Variants in PPM1E observed in about 807,000 individuals in gnomAD.
PPM1E encodes protein phosphatase, Mg2+/Mn2+ dependent 1E.
A neutral mutation model predicts 65.9 loss-of-function variants in PPM1E; 20 were observed. The ratio of observed to expected loss-of-function variants is 0.30; its 90% CI spans 0.21 to 0.44. The LOEUF is 0.44. PPM1E is among the 20% of genes least tolerant of loss of function. The pLI is 1.00. For synonymous variants in PPM1E, 352 were observed against 374.9 expected (o/e 0.94, Z 0.70); for missense variants, 713 against 953.1 (o/e 0.75, Z 3.32).
intron 1 of PPM1E, among the ~76,000 whole-genome samples, chr17:58,861,258 T>C (rs774244016): frequency 2.6e-5 from 4 of 152,210 alleles, no homozygotes; most frequent in Non-Finnish European, 4.4e-5. Context: ...GTTTGCTTCA[T>C]AGACAAGAGC....
At chr17:58,827,770 C>A (rs1412056875) in intron 1 of PPM1E, among the ~76,000 whole-genome samples, 2 of 150,780 alleles carry the variant, frequency 1.3e-5, no homozygotes, top group African/African-American at 4.9e-5. Context: ...GGCGTGGTGG[C>A]GCGCGCCTGT....
intron 1 of PPM1E, among the ~76,000 whole-genome samples, chr17:58,857,475 C>A (rs1381216780): frequency 6.6e-6 from 1 of 151,972 alleles, no homozygotes; most frequent in East Asian, 1.9e-4. Context: ...ATTATTTAAC[C>A]TCTCTGTGCT....
At position 58,755,902 on chromosome 17, in the gene PPM1E, C is replaced by T. The variant is rs962982261; in HGVS notation, c.-96C>T. On this transcript the variant is annotated 5_prime_UTR_variant, in exon 1 of 7. Coordinates refer to ENST00000308249, the MANE Select transcript of PPM1E (RefSeq NM_014906.5). Reference sequence around the variant, plus strand: ...TCGCTCGTGCCGGTGCGGCCGTTAACCGCCCTTGCCGGAGCCCTAGGCTCA... The same window carrying T: ...TCGCTCGTGCCGGTGCGGCCGTTAATCGCCCTTGCCGGAGCCCTAGGCTCA... 9 of 1,547,946 alleles carry T rather than the reference C, an allele frequency of 5.8e-6. No homozygotes were observed. The East Asian group carries it at 2.0e-4, about 35-fold the overall frequency.
At chr17:58,833,411 A>G (rs926963377) in intron 1 of PPM1E, among the ~76,000 whole-genome samples, 34 of 150,844 alleles carry the variant, frequency 2.3e-4, no homozygotes, top group African/African-American at 8.3e-4. Context: ...TTTAGTTTCT[A>G]TTGTTGCCGT....
intron 1 of PPM1E, among the ~76,000 whole-genome samples, chr17:58,839,805 C>T (rs112483402): frequency 1.3e-4 from 20 of 152,220 alleles, no homozygotes; most frequent in African/African-American, 3.9e-4. Context: ...AATGGATTAA[C>T]GTTGAGGATA....
chr17:58,863,298 T>C (rs2143309633), intron 1 of PPM1E, among the ~76,000 whole-genome samples: 1 of 152,316 alleles, frequency 6.6e-6, no homozygotes, highest in African/African-American at 2.4e-5. Flanking sequence ...CTTGCTTTCT[T>C]AGCGTGCAGC....
chr17:58,805,521 A>AT (rs2050296909), intron 1 of PPM1E, among the ~76,000 whole-genome samples: 1 of 152,178 alleles, frequency 6.6e-6, no homozygotes, highest in South Asian at 2.1e-4. Context: ...AAGTGCTGGG[A>AT]TTACAGGCGT....
chr17:58,816,554 C>T (rs2050416723), intron 1 of PPM1E, among the ~76,000 whole-genome samples: 1 of 150,816 alleles, frequency 6.6e-6, no homozygotes, highest in Admixed American at 6.6e-5. Flanking sequence ...CCATTTCTTC[C>T]TTCCCCCATC....
At chr17:58,830,292 G>GTTATTATTATTATTATTA (rs376605107) in intron 1 of PPM1E, among the ~76,000 whole-genome samples, 343 of 146,830 alleles carry the variant, frequency 2.3e-3, no homozygotes, top group East Asian at 4.2e-3. Context: ...TGTTGTTGTT[G>GTTATTATTATTATTATTA]TTATTATTAT....
chr17:58,774,541 T>A (rs966490016), intron 1 of PPM1E, among the ~76,000 whole-genome samples: 2 of 152,152 alleles, frequency 1.3e-5, no homozygotes, highest in Non-Finnish European at 2.9e-5. Flanking sequence ...TATCTGCACA[T>A]CCTTATATTG....
intron 1 of PPM1E, among the ~76,000 whole-genome samples, chr17:58,767,420 A>G (rs933710774): frequency 2.0e-5 from 3 of 152,198 alleles, no homozygotes; most frequent in African/African-American, 7.2e-5. Context: ...TTCTCATGCT[A>G]CATTACAAAC....
chr17:58,762,025 T>C (rs1180111349), intron 1 of PPM1E, among the ~76,000 whole-genome samples: 1 of 152,220 alleles, frequency 6.6e-6, no homozygotes, highest in Admixed American at 6.5e-5. Flanking sequence ...GTAAGTGTGG[T>C]ATTCTGAGGG....
chr17:58,984,038 A>C lies in PPM1E; in HGVS notation c.*3007A>C, dbSNP rs2031567406. ...ACAGCAACACACACTGGGGCTATTA[A>C]TCCCATTTAGGTCTGTACTAAAGAG... On this transcript the variant is annotated 3_prime_UTR_variant, in exon 7 of 7. Coordinates refer to ENST00000308249, the MANE Select transcript of PPM1E (RefSeq NM_014906.5). 1 of 152,616 alleles carries C rather than the reference A, an allele frequency of 6.6e-6. No homozygotes were observed. Among genetic ancestry groups the C allele is most frequent in the Non-Finnish European group, 1.5e-5 (1 of 68,012 alleles). The allele number at this position is 152,616 out of a possible 1,614,324, so 9.5% of individuals were successfully genotyped here. A position where few individuals can be genotyped will look rare whatever the true frequency, so the allele number is the denominator to read the frequency against.
At position 58,981,259 on chromosome 17, in the gene PPM1E, G is replaced by A. The variant is rs757374861; in HGVS notation, c.*228G>A. 3 of 476,812 alleles carry A rather than the reference G, an allele frequency of 6.3e-6. No homozygotes were observed. The highest frequency in any genetic ancestry group is 2.0e-5 in the African/African-American group (1 of 50,452). 29.5% of individuals were successfully genotyped at this position (476,812 alleles called of 1,614,324 possible). On this transcript the variant is annotated 3_prime_UTR_variant, in exon 7 of 7. Transcript: ENST00000308249. ...ATTACACAGCTGGTCCCTGTGATGTGTCTCGACACCAATACACAACCCCCT... is the reference window on the plus strand; with the variant it reads ...ATTACACAGCTGGTCCCTGTGATGTATCTCGACACCAATACACAACCCCCT...
At chr17:58,936,075 T>C (rs1410494327) in intron 1 of PPM1E, among the ~76,000 whole-genome samples, 2 of 151,800 alleles carry the variant, frequency 1.3e-5, no homozygotes, top group Non-Finnish European at 2.9e-5. Flanking sequence ...CTTTGGTAGA[T>C]TACATTATTT....
chr17:58,778,945 T>C (rs1352888288), intron 1 of PPM1E, among the ~76,000 whole-genome samples: 1 of 143,850 alleles, frequency 7.0e-6, no homozygotes, highest in Non-Finnish European at 1.5e-5. Flanking sequence ...TATATATATA[T>C]ATATATATAT....
chr17:58,922,338 G>A (rs1347400685), intron 1 of PPM1E, among the ~76,000 whole-genome samples: 1 of 151,440 alleles, frequency 6.6e-6, no homozygotes, highest in African/African-American at 2.4e-5. Flanking sequence ...CTGCAACCTC[G>A]AACTCCTGGG....
rs142681094 is a variant in PPM1E, at chr17:58,864,584, G to A, written c.465-91065G>A. 9.4e-3 allele frequency among the ~76,000 whole-genome samples: 1,435 copies of A among 152,170 alleles called. 9 individuals are homozygous for A. The highest frequency in any genetic ancestry group is 0.02 in the Middle Eastern group (6 of 294). ...GAACCTGGCAGATGGAGGTTGCAGT[G>A]AGCTGAGATTGTGCCACTGCACTCC... On this transcript the variant is annotated intron_variant, in intron 1 of 6. Transcript: ENST00000308249.
chr17:58,938,223 T>G (rs2052012450), intron 1 of PPM1E, among the ~76,000 whole-genome samples: 1 of 152,198 alleles, frequency 6.6e-6, no homozygotes, highest in South Asian at 2.1e-4. Context: ...TAGAATTGAC[T>G]TTAGAGTTAT....
Sources: allele counts gnomAD v4.1 joint callset (sites outside exome capture counted in the v4.1 genomes callset), GRCh38; gene constraint gnomAD v4.1.1; transcripts MANE v1.5; gene names NCBI Gene and HGNC (gene_info 2026-07-23, HGNC 2026-07-21).